The following INPP4B variants were observed in gnomAD, a reference collection of about 807,000 sequenced individuals.
INPP4B encodes inositol polyphosphate 4-phosphatase type II.
INPP4B carries 55 observed loss-of-function variants against 122.5 expected under a neutral mutation model. That is an observed-to-expected ratio of 0.45 (90% CI 0.36 to 0.56). The LOEUF is 0.56. Among genes scored for constraint, INPP4B ranks in the 20% least tolerant of loss-of-function variants. The pLI is 0.00. For missense variants in INPP4B, 1,000 were observed against 1,097.7 expected, an observed-to-expected ratio of 0.91 and a Z score of 1.26; for synonymous variants, 403 against 388.7, an observed-to-expected ratio of 1.04 and a Z score of -0.43.
At chr4:142,309,295 A>G (rs556108546) in intron 8 of INPP4B, among the ~76,000 whole-genome samples, 9 of 152,300 alleles carry the variant, frequency 5.9e-5, no homozygotes, top group African/African-American at 1.4e-4. Flanking sequence ...AAAGAAAAAT[A>G]TATCTTTAAA....
intron 7 of INPP4B, among the ~76,000 whole-genome samples, chr4:142,377,234 C>A (rs929407270): frequency 6.6e-6 from 1 of 151,446 alleles, no homozygotes; most frequent in Non-Finnish European, 1.5e-5. Flanking sequence ...TCCTGAAATT[C>A]GTAAATTTCA....
intron 2 of INPP4B, among the ~76,000 whole-genome samples, chr4:142,587,432 T>C (rs1240302178): frequency 6.6e-6 from 1 of 152,190 alleles, no homozygotes. Context: ...TTTAAAAAAT[T>C]GAATCAATAA....
At chr4:142,174,422 A>G (rs1482924675) in intron 15 of INPP4B, among the ~76,000 whole-genome samples, 3 of 152,094 alleles carry the variant, frequency 2.0e-5, no homozygotes, top group Non-Finnish European at 4.4e-5. Context: ...AGGGGTGTGG[A>G]GGAAGTAAAT....
At chr4:142,402,026 C>T (rs777123586) in intron 7 of INPP4B, among the ~76,000 whole-genome samples, 30 of 152,096 alleles carry the variant, frequency 2.0e-4, no homozygotes, top group Non-Finnish European at 4.1e-4. Flanking sequence ...ACAGAAATGC[C>T]GAAGTGAGGG....
At chr4:142,596,427 C>T (rs1174077271) in intron 2 of INPP4B, among the ~76,000 whole-genome samples, 1 of 152,102 alleles carries the variant, frequency 6.6e-6, no homozygotes, top group East Asian at 1.9e-4. Context: ...CCTTCAGTAG[C>T]TGGGCCAATT....
At position 142,028,460 on chromosome 4, in the gene INPP4B, A is replaced by T; in HGVS notation, c.*322T>A. 3.2e-6 allele frequency: 1 copy of T among 314,912 alleles called. No homozygotes were observed. Among genetic ancestry groups the T allele is most frequent in the Non-Finnish European group, 5.9e-6 (1 of 169,274 alleles). 19.5% of individuals were successfully genotyped at this position (314,912 alleles called of 1,614,324 possible). A position where few individuals can be genotyped will look rare whatever the true frequency, so the allele number is the denominator to read the frequency against. On this transcript the variant is annotated 3_prime_UTR_variant, in exon 26 of 26. Coordinates refer to ENST00000262992, the MANE Select transcript of INPP4B (RefSeq NM_001101669.3). Reference sequence around the variant, plus strand: ...GTGAATCACCCCTAGTCCTATTGAAATGATCCATGTTTCCTCAGAAACATT... The same window carrying T: ...GTGAATCACCCCTAGTCCTATTGAATTGATCCATGTTTCCTCAGAAACATT...
rs572092121 is a variant in INPP4B, at chr4:142,152,066, C to CTTTTTTTTTTTTTTT, written c.1564-6085_1564-6071dup. On this transcript the variant is annotated intron_variant, in intron 17 of 25. Coordinates refer to ENST00000262992, the MANE Select transcript of INPP4B (RefSeq NM_001101669.3). ...TGCCTAACATGCTTTTTTGTCTTTTCTTTTTTTTTTTTTTTTTTTTTTTTT... is the reference window on the plus strand; with the variant it reads ...TGCCTAACATGCTTTTTTGTCTTTTCTTTTTTTTTTTTTTTTTTTTTTTTTTTTTTTTTTTTTTTT... Among the ~76,000 whole-genome samples, 80 of 69,952 alleles carry CTTTTTTTTTTTTTTT rather than the reference C, an allele frequency of 1.1e-3. 7 individuals are homozygous for CTTTTTTTTTTTTTTT. The highest frequency in any genetic ancestry group is 4.3e-3 in the African/African-American group (77 of 18,002). The allele number at this position is 69,952 out of a possible 152,430, so 45.9% of individuals were successfully genotyped here.
chr4:142,580,013 C>G (rs939701720), intron 2 of INPP4B, among the ~76,000 whole-genome samples: 1 of 151,296 alleles, frequency 6.6e-6, no homozygotes, highest in African/African-American at 2.4e-5. Flanking sequence ...AGGGAAGATA[C>G]GCAGACTTCG....
At chr4:142,328,587 A>G (rs1428618763) in intron 7 of INPP4B, among the ~76,000 whole-genome samples, 1 of 152,264 alleles carries the variant, frequency 6.6e-6, no homozygotes, top group Non-Finnish European at 1.5e-5. Context: ...TTGATCAGAC[A>G]TTAAGGAGAT....
chr4:142,469,410 C>T (rs1818408925), intron 2 of INPP4B, among the ~76,000 whole-genome samples: 1 of 152,112 alleles, frequency 6.6e-6, no homozygotes, highest in Non-Finnish European at 1.5e-5. Context: ...GAAATATTTA[C>T]AGCATAAATA....
chr4:142,096,520 C>G (rs1484499720), intron 23 of INPP4B, among the ~76,000 whole-genome samples: 1 of 152,010 alleles, frequency 6.6e-6, no homozygotes, highest in Non-Finnish European at 1.5e-5. Flanking sequence ...ATTTAAGGGA[C>G]ATTAAAAGTC....
At chr4:142,523,871 T>C (rs1007093901) in intron 2 of INPP4B, among the ~76,000 whole-genome samples, 7 of 140,894 alleles carry the variant, frequency 5.0e-5, no homozygotes, top group African/African-American at 1.6e-4. Flanking sequence ...TGTGATCTCA[T>C]TGTTCAATTC....
chr4:142,599,930 T>C (rs892493777), intron 2 of INPP4B, among the ~76,000 whole-genome samples: 6 of 151,686 alleles, frequency 4.0e-5, no homozygotes, highest in African/African-American at 1.2e-4. Context: ...AGAAAGAATT[T>C]CAAAACCTAA....
At chr4:142,289,497 C>T (rs1755416699) in intron 9 of INPP4B, among the ~76,000 whole-genome samples, 1 of 152,168 alleles carries the variant, frequency 6.6e-6, no homozygotes, top group Non-Finnish European at 1.5e-5. Context: ...TTAATCCCAG[C>T]ATCCACAAGC....
At chr4:142,234,405 C>G (rs1165831859) in intron 12 of INPP4B, among the ~76,000 whole-genome samples, 1 of 152,024 alleles carries the variant, frequency 6.6e-6, no homozygotes, top group East Asian at 1.9e-4. Context: ...TCTTCATGAC[C>G]TTTTTTCTTT....
chr4:142,039,084 A>T (rs1468584302), intron 25 of INPP4B, among the ~76,000 whole-genome samples: 1 of 152,132 alleles, frequency 6.6e-6, no homozygotes, highest in African/African-American at 2.4e-5. Flanking sequence ...GTAAGATTAG[A>T]TTCAGTGACC....
intron 2 of INPP4B, among the ~76,000 whole-genome samples, chr4:142,558,856 A>G (rs533407662): frequency 6.8e-6 from 1 of 146,152 alleles, no homozygotes; most frequent in African/African-American, 2.5e-5. Flanking sequence ...CATCAGGAGT[A>G]TGTGTCCTTG....
At chr4:142,794,471 C>CA (rs928038618) in intron 1 of INPP4B, among the ~76,000 whole-genome samples, 2 of 151,656 alleles carry the variant, frequency 1.3e-5, no homozygotes, top group African/African-American at 2.4e-5. Flanking sequence ...ACACCATACA[C>CA]AAAAAATTCT....
intron 2 of INPP4B, among the ~76,000 whole-genome samples, chr4:142,620,552 T>A (rs1389579812): frequency 1.3e-5 from 2 of 151,896 alleles, no homozygotes; most frequent in African/African-American, 4.8e-5. Flanking sequence ...ACCTATCAGG[T>A]ACTATGCTTA....
Sources: gnomAD v4.1 joint callset for allele counts (sites outside exome capture counted in the v4.1 genomes callset) on GRCh38, gnomAD v4.1.1 for gene constraint, MANE v1.5 for transcripts, NCBI Gene and HGNC (gene_info 2026-07-23, HGNC 2026-07-21) for gene names.